The following PHF3 variants were observed in gnomAD, a reference collection of about 807,000 sequenced individuals.
PHF3 encodes the protein PHD finger protein 3.
PHF3 carries 41 observed loss-of-function variants against 178.4 expected under a neutral mutation model. The observed-to-expected ratio is 0.23, with a 90% confidence interval of 0.18 to 0.30. The LOEUF is 0.30. PHF3 is among the 10% of genes least tolerant of loss of function. PHF3 has a pLI of 1.00. For missense variants in PHF3, 2,346 were observed against 2,398.1 expected, an observed-to-expected ratio of 0.98 and a Z score of 0.45; for synonymous variants, 842 against 800.5, an observed-to-expected ratio of 1.05 and a Z score of -0.88.
In PHF3 at chr6:63,679,992, T is replaced by G. The variant is rs779252012; in HGVS notation, c.245-8T>G. ...TTAAAAGTTAATTTTTTTGTCGTTTTTTTCTAGTTGTTGGTCTTGACGATA... is the reference window on the plus strand; with the variant it reads ...TTAAAAGTTAATTTTTTTGTCGTTTGTTTCTAGTTGTTGGTCTTGACGATA... On this transcript the variant is annotated splice_polypyrimidine_tract_variant and splice_region_variant and intron_variant, in intron 2 of 15. Coordinates refer to ENST00000262043, the MANE Select transcript of PHF3 (RefSeq NM_001370348.2). 1 of 1,606,744 alleles carries G rather than the reference T, an allele frequency of 6.2e-7. No individual in the cohort carries two copies. The highest frequency in any genetic ancestry group is 1.1e-5 in the South Asian group (1 of 89,974).
chr6:63,665,029 C>G (rs1484834267), intron 2 of PHF3, among the ~76,000 whole-genome samples: 1 of 151,988 alleles, frequency 6.6e-6, no homozygotes, highest in Non-Finnish European at 1.5e-5. Flanking sequence ...TATATGAGAT[C>G]AAAATTCACT....
chr6:63,647,362 T>G (rs1764835652), intron 2 of PHF3, among the ~76,000 whole-genome samples: 1 of 152,152 alleles, frequency 6.6e-6, no homozygotes, highest in East Asian at 1.9e-4. Context: ...CCACATGTCA[T>G]TTGCAATGAG....
chr6:63,706,752 A>C lies in PHF3; in HGVS notation c.3587A>C (p.Glu1196Ala). Residue 1196 changes from glutamate (E) to alanine (A), a missense_variant, in exon 13 of 16, where the codon GAA (glutamate) becomes GCA (alanine). By Grantham distance (107) the Glu-to-Ala change is moderately radical. Around this residue, in one of 8 missense-constraint regions of PHF3, gnomAD observed 205 missense variants for 212.4 expected, o/e 0.97. Transcript: ENST00000262043. ...AGTCCAGAGATGCCTGGAACTGTTG[A>C]AGTTGAGTCTACCTTTCTGGCTCGA... The part of the protein sequence containing the change: ...APRPEMPGTV[E>A]VESTFLARLN... 1 of 1,613,888 alleles carries C rather than the reference A, an allele frequency of 6.2e-7. No homozygotes were observed. Among genetic ancestry groups the C allele is most frequent in the Non-Finnish European group, 8.5e-7 (1 of 1,179,904 alleles).
Position 63,723,472 on chromosome 6 carries a change from G to C in PHF3, c.*9764G>C, listed in dbSNP as rs1322953305. 6.6e-6 allele frequency among the ~76,000 whole-genome samples: 1 copy of C among 152,104 alleles called. No homozygotes were observed. Among genetic ancestry groups the C allele is most frequent in the East Asian group, 1.9e-4 (1 of 5,190 alleles). On this transcript the variant is annotated 3_prime_UTR_variant, in exon 16 of 16. Transcript: ENST00000262043. ...CTTTTCTTGCTCCTTGTGTTGTAGA[G>C]TGTTCCTGTAGTAAACAATTTTATA...
chr6:63,700,106 A>G (rs991935860), intron 8 of PHF3, among the ~76,000 whole-genome samples: 1 of 152,064 alleles, frequency 6.6e-6, no homozygotes, highest in African/African-American at 2.4e-5. Flanking sequence ...TTGGGTAGGT[A>G]TTGTAATGGT....
intron 1 of PHF3, among the ~76,000 whole-genome samples, chr6:63,638,435 G>C (rs2149532331): frequency 6.6e-6 from 1 of 152,094 alleles, no homozygotes. Context: ...TTGCTTTTTT[G>C]ATACATTTTG....
Position 63,684,860 on chromosome 6 carries a change from A to G in PHF3, c.1138A>G (p.Thr380Ala), listed in dbSNP as rs758072478. Residue 380 changes from threonine (T) to alanine (A), a missense_variant, in exon 4 of 16, where the codon ACC becomes GCC. Thr to Ala is a moderately conservative substitution (Grantham distance 58). This residue lies in a region of PHF3 where 843 missense variants were observed against 795.2 expected (regional missense o/e 1.06). Transcript: ENST00000262043. The stretch of plus-strand genomic sequence containing the variant: ...TGAATGTAATTTGGAATTGAAGGAT[A>G]CCATGGGTATTGCTGATAAAACTGA... ...VTECNLELKD[T>A]MGIADKTENT... The G allele has an allele frequency of 5.0e-6, 8 of 1,614,000 alleles. No homozygotes were observed. In the South Asian group the frequency reaches 8.8e-5, roughly 18 times the overall value.
chr6:63,666,443 G>A (rs1227034301), intron 2 of PHF3, among the ~76,000 whole-genome samples: 1 of 151,402 alleles, frequency 6.6e-6, no homozygotes, highest in African/African-American at 2.4e-5. Flanking sequence ...CTTCGTGTTT[G>A]TCAGCATTTT....
Position 63,723,645 on chromosome 6 carries a change from A to G in PHF3, c.*9937A>G, listed in dbSNP as rs1432785152. Among the ~76,000 whole-genome samples the G allele has an allele frequency of 6.6e-6, 1 of 152,068 alleles. No individual in the cohort carries two copies. On this transcript the variant is annotated 3_prime_UTR_variant, in exon 16 of 16. Transcript: ENST00000262043. Reference sequence around the variant, plus strand: ...AAAGGATTATTTTAACTCAGCTAGTATGTTCTTACGAAAAATTGACAAAAA... The same window carrying G: ...AAAGGATTATTTTAACTCAGCTAGTGTGTTCTTACGAAAAATTGACAAAAA...
At chr6:63,692,506 A>G (rs900977319) in intron 5 of PHF3, among the ~76,000 whole-genome samples, 4 of 152,234 alleles carry the variant, frequency 2.6e-5, no homozygotes, top group Non-Finnish European at 4.4e-5. Context: ...TATAAAGGAC[A>G]CGGCATTTTA....
At chr6:63,647,396 G>A (rs1764836679) in intron 2 of PHF3, among the ~76,000 whole-genome samples, 1 of 152,086 alleles carries the variant, frequency 6.6e-6, no homozygotes, top group African/African-American at 2.4e-5. Context: ...AATGAGTCTG[G>A]TCCTAATTGA....
chr6:63,709,239 A>G lies in PHF3; in HGVS notation c.3800A>G (p.Lys1267Arg), dbSNP rs1176047811. The G allele has an allele frequency of 2.5e-6, 4 of 1,603,820 alleles. No homozygotes were observed. The highest frequency in any genetic ancestry group is 3.4e-6 in the Non-Finnish European group (4 of 1,171,990). Residue 1267 changes from lysine (K) to arginine (R), a missense_variant and splice_region_variant, in exon 14 of 16, where the codon AAG (lysine) becomes AGG (arginine). Around this residue, in one of 8 missense-constraint regions of PHF3, gnomAD observed 90 missense variants for 136.6 expected, o/e 0.66. Coordinates refer to ENST00000262043, the MANE Select transcript of PHF3 (RefSeq NM_001370348.2). The stretch of plus-strand genomic sequence containing the variant: ...GAAAAAATAAAAGCATCAGGAACCA[A>G]GGTGAGGAAAACTTTTTTCACTATA... ...YVEKIKASGT[K>R]EICVVRFTPV...
chr6:63,700,555 A>G, intron 9 of PHF3, 89 bp downstream of exon 9: 1 of 688,312 alleles, frequency 1.5e-6, no homozygotes, highest in South Asian at 1.8e-5. Context: ...AATTCAACAC[A>G]GACTGCATAA....
In PHF3 at chr6:63,684,866, G is replaced by A. The variant is rs779732543; in HGVS notation, c.1144G>A (p.Gly382Ser). Reference protein sequence around the residue: ...ECNLELKDTMGIADKTENTLE... With the variant: ...ECNLELKDTMSIADKTENTLE... ...TAATTTGGAATTGAAGGATACCATG[G>A]GTATTGCTGATAAAACTGAGAACAC... Residue 382 changes from glycine to serine, a missense_variant, in exon 4 of 16, where the codon GGT becomes AGT. Gly to Ser is a moderately conservative substitution (Grantham distance 56). Transcript: ENST00000262043. The A allele has an allele frequency of 6.2e-7, 1 of 1,613,946 alleles. No individual in the cohort carries two copies. The highest frequency in any genetic ancestry group is 2.2e-5 in the East Asian group (1 of 44,870).
chr6:63,698,126 A>G, intron 6 of PHF3, 97 bp from the exon 7 acceptor site: 1 of 925,462 alleles, frequency 1.1e-6, no homozygotes, highest in Non-Finnish European at 1.6e-6. Flanking sequence ...ATTTCTAAAT[A>G]GTGACTTTTA....
intron 2 of PHF3, among the ~76,000 whole-genome samples, chr6:63,657,674 G>C (rs1765296623): frequency 6.6e-6 from 1 of 152,146 alleles, no homozygotes; most frequent in Non-Finnish European, 1.5e-5. Context: ...AGGTGGCAGA[G>C]GTAGAAGAAA....
At chr6:63,659,239 C>G (rs1561946417) in intron 2 of PHF3, among the ~76,000 whole-genome samples, 1 of 151,904 alleles carries the variant, frequency 6.6e-6, no homozygotes, top group Non-Finnish European at 1.5e-5. Context: ...ATGTTGTACA[C>G]CATAAACATA....
chr6:63,667,825 TG>T (rs1765744134), intron 2 of PHF3, among the ~76,000 whole-genome samples: 1 of 152,222 alleles, frequency 6.6e-6, no homozygotes, highest in Non-Finnish European at 1.5e-5. Context: ...TTTAAAAACT[TG>T]ATTAGAGTCA....
At chr6:63,655,869 C>T (rs984437234) in intron 2 of PHF3, among the ~76,000 whole-genome samples, 3 of 152,144 alleles carry the variant, frequency 2.0e-5, no homozygotes, top group Non-Finnish European at 2.9e-5. Context: ...TCTTGAACTC[C>T]TGGGCTCAAG....
Sources: gnomAD v4.1 joint callset for allele counts (sites outside exome capture counted in the v4.1 genomes callset) on GRCh38, gnomAD v4.1.1 for gene constraint, gnomAD v4.1.1 regional missense constraint, MANE v1.5 for transcripts, NCBI Gene and HGNC (gene_info 2026-07-23, HGNC 2026-07-21) for gene names.